The following RNLS variants were observed in gnomAD, a reference collection of about 807,000 sequenced individuals.
The protein encoded by RNLS is renalase.
RNLS carries 39 observed loss-of-function variants against 39.8 expected under a neutral mutation model. The observed-to-expected ratio is 0.98, with a 90% CI of 0.76 to 1.28. The LOEUF is 1.28. Among genes scored for constraint, RNLS ranks in the 50% most tolerant of loss-of-function variants. The pLI, the probability that RNLS is intolerant of heterozygous loss-of-function variation, is 0.00. For missense variants in RNLS, 410 were observed against 413.3 expected, an observed-to-expected ratio of 0.99 and a Z score of 0.07; for synonymous variants, 147 against 150.7, an observed-to-expected ratio of 0.98 and a Z score of 0.18.
intron 4 of RNLS, among the ~76,000 whole-genome samples, chr10:88,411,187 T>C (rs1853632924): frequency 6.6e-6 from 1 of 152,160 alleles, no homozygotes; most frequent in African/African-American, 2.4e-5. Context: ...ATGTGAGCAT[T>C]TGATTACATT....
the RNLS span, chr10:88,259,199 T>G: frequency 6.6e-6 from 1 of 152,304 alleles, no homozygotes; most frequent in Non-Finnish European, 1.5e-5. Context: ...TATGTCCATT[T>G]AGCAAAGTGA....
intron 4 of RNLS, among the ~76,000 whole-genome samples, chr10:88,527,389 T>A (rs1436557931): frequency 6.6e-6 from 1 of 152,164 alleles, no homozygotes; most frequent in Non-Finnish European, 1.5e-5. Context: ...GGACATTGGC[T>A]GAAGGTGAGT....
chr10:88,564,343 ACAC>A, intron 4 of RNLS, among the ~76,000 whole-genome samples: 1 of 151,196 alleles, frequency 6.6e-6, no homozygotes, highest in Admixed American at 6.6e-5. Flanking sequence ...ACACACACAC[ACAC>A]ATGCACACAC....
At chr10:88,196,688 G>C in the RNLS span, among the ~76,000 whole-genome samples, 2 of 152,190 alleles carry the variant, frequency 1.3e-5, no homozygotes. Flanking sequence ...CAGACTTATA[G>C]CTTGAGGTAG....
downstream of RNLS, among the ~76,000 whole-genome samples, chr10:88,280,178 T>C (rs1842959261): frequency 6.6e-6 from 1 of 152,182 alleles, no homozygotes; most frequent in Non-Finnish European, 1.5e-5. Flanking sequence ...TGTTCAGCAC[T>C]CTCTTAAGGT....
intron 5 of RNLS, among the ~76,000 whole-genome samples, chr10:88,358,443 A>C (rs992483079): frequency 1.3e-5 from 2 of 152,242 alleles, no homozygotes; most frequent in African/African-American, 4.8e-5. Flanking sequence ...GATAAAGTAC[A>C]TTTAGGAAAT....
chr10:88,556,882 A>G (rs1318258952), intron 4 of RNLS, among the ~76,000 whole-genome samples: 1 of 152,072 alleles, frequency 6.6e-6, no homozygotes, highest in Non-Finnish European at 1.5e-5. Flanking sequence ...ATCATTTCAC[A>G]TAGATATTCA....
chr10:88,483,264 T>G (rs2134027932), intron 4 of RNLS, among the ~76,000 whole-genome samples: 1 of 152,200 alleles, frequency 6.6e-6, no homozygotes, highest in South Asian at 2.1e-4. Flanking sequence ...TTTTTGTCAG[T>G]TTTTTCTGGC....
At chr10:88,360,895 A>G (rs758098253) in intron 5 of RNLS, among the ~76,000 whole-genome samples, 21 of 152,244 alleles carry the variant, frequency 1.4e-4, no homozygotes, top group Non-Finnish European at 2.8e-4. Context: ...TCCTGAATCA[A>G]TGAACCCTGA....
chr10:88,538,518 A>C lies in RNLS; in HGVS notation c.526+34385T>G, dbSNP rs553083129. ...AGAGATTCTTCCAGAAAAGCGTAAA[A>C]GTAAAACTTGAAAGAAATAATAAAA... On this transcript the variant is annotated intron_variant, in intron 4 of 6. Transcript: ENST00000331772. Among the ~76,000 whole-genome samples the C allele has an allele frequency of 3.3e-5, 5 of 152,290 alleles. No homozygotes were observed. In the South Asian group the frequency reaches 1.0e-3, roughly 32 times the overall value.
intron 4 of RNLS, among the ~76,000 whole-genome samples, chr10:88,548,089 C>A (rs1438086568): frequency 1.3e-5 from 2 of 149,088 alleles, no homozygotes; most frequent in African/African-American, 4.9e-5. Context: ...CGGTGAAACC[C>A]CATCTCTACT....
At chr10:88,382,764 ATTAT>A (rs1465009895) in intron 4 of RNLS, among the ~76,000 whole-genome samples, 1 of 152,060 alleles carries the variant, frequency 6.6e-6, no homozygotes, top group South Asian at 2.1e-4. Context: ...CCACTCAGTT[ATTAT>A]TTATTTGAGG....
chr10:88,220,238 G>A, the RNLS span, among the ~76,000 whole-genome samples: 547 of 152,302 alleles, frequency 3.6e-3, 13 homozygotes, highest in Admixed American at 0.027. Flanking sequence ...TTCCACCCAC[G>A]GCTATATACT....
At chr10:88,277,900 A>G (rs1842870545) in intron 6 of RNLS, among the ~76,000 whole-genome samples, 1 of 152,188 alleles carries the variant, frequency 6.6e-6, no homozygotes, top group South Asian at 2.1e-4. Context: ...TTCTAAATTT[A>G]TCATGTTTTA....
chr10:88,217,934 G>A, the RNLS span, among the ~76,000 whole-genome samples: 1 of 152,070 alleles, frequency 6.6e-6, no homozygotes, highest in East Asian at 1.9e-4. Flanking sequence ...CAGCTACTCA[G>A]CAGGCTGAGG....
chr10:88,233,553 A>G, the RNLS span, among the ~76,000 whole-genome samples: 1 of 152,242 alleles, frequency 6.6e-6, no homozygotes, highest in African/African-American at 2.4e-5. Flanking sequence ...AATTTCAGAT[A>G]AACAACGCGT....
chr10:88,210,864 G>A, the RNLS span, among the ~76,000 whole-genome samples: 4 of 152,102 alleles, frequency 2.6e-5, no homozygotes, highest in Non-Finnish European at 4.4e-5. Flanking sequence ...CTTTTTAAGT[G>A]TGAGTGTGTC....
the RNLS span, among the ~76,000 whole-genome samples, chr10:88,229,911 T>A: frequency 2.0e-5 from 3 of 152,224 alleles, no homozygotes; most frequent in East Asian, 5.8e-4. Context: ...TATCCATTTC[T>A]TGGTGGATGG....
chr10:88,197,629 T>TC, the RNLS span, among the ~76,000 whole-genome samples: 3 of 152,206 alleles, frequency 2.0e-5, no homozygotes, highest in Non-Finnish European at 4.4e-5. Context: ...TTGAATTGTT[T>TC]CCCCCTCAAA....
Sources: allele counts gnomAD v4.1 joint callset (sites outside exome capture counted in the v4.1 genomes callset), GRCh38; gene constraint gnomAD v4.1.1; transcripts MANE v1.5; gene names NCBI Gene and HGNC (gene_info 2026-07-23, HGNC 2026-07-21).